The following TBC1D5 variants were observed in gnomAD, a reference collection of about 807,000 sequenced individuals.
TBC1D5 encodes TBC1 domain family, member 5.
A neutral mutation model predicts 100.3 loss-of-function variants in TBC1D5; 75 were observed. That is an observed-to-expected ratio of 0.75 (90% CI 0.62 to 0.91). The LOEUF (loss-of-function observed/expected upper bound fraction) is 0.91. Ranked by LOEUF, TBC1D5 falls within the 40% of genes least tolerant of loss-of-function variation. TBC1D5 has a pLI of 0.00. For synonymous variants in TBC1D5, 323 were observed against 325.6 expected, an observed-to-expected ratio of 0.99 and a Z score of 0.09; for missense variants, 910 against 942.4, an observed-to-expected ratio of 0.97 and a Z score of 0.45.
At chr3:17,395,696 A>G (rs1015012265) in intron 8 of TBC1D5, among the ~76,000 whole-genome samples, 1 of 152,154 alleles carries the variant, frequency 6.6e-6, no homozygotes, top group African/African-American at 2.4e-5. Flanking sequence ...GGGTACCCCT[A>G]TAACTGTGCT....
At chr3:17,696,193 G>C (rs1309378889) in intron 1 of TBC1D5, among the ~76,000 whole-genome samples, 1 of 151,914 alleles carries the variant, frequency 6.6e-6, no homozygotes, top group African/African-American at 2.4e-5. Context: ...AAAAGAAATA[G>C]AGAAGGAAGA....
chr3:17,549,254 T>C (rs138021470), intron 2 of TBC1D5, among the ~76,000 whole-genome samples: 2 of 152,258 alleles, frequency 1.3e-5, no homozygotes, highest in African/African-American at 2.4e-5. Flanking sequence ...TGAGCCAAGA[T>C]TGCGCCATTG....
intron 4 of TBC1D5, among the ~76,000 whole-genome samples, chr3:17,408,627 C>G (rs553057376): frequency 6.6e-6 from 1 of 152,094 alleles, no homozygotes; most frequent in Non-Finnish European, 1.5e-5. Flanking sequence ...AAGTCCTATA[C>G]TTTTAAAAAT....
At chr3:17,282,629 T>C (rs564024302) in intron 15 of TBC1D5, among the ~76,000 whole-genome samples, 20 of 152,346 alleles carry the variant, frequency 1.3e-4, no homozygotes, top group Middle Eastern at 3.4e-3. Context: ...CAAAGTTTCA[T>C]TGCTCTCTCA....
intron 13 of TBC1D5, among the ~76,000 whole-genome samples, chr3:17,313,710 A>G (rs2084319264): frequency 6.6e-6 from 1 of 152,206 alleles, no homozygotes; most frequent in East Asian, 1.9e-4. Context: ...GAGGTGTAAC[A>G]CTAAGCTGAG....
intron 16 of TBC1D5, among the ~76,000 whole-genome samples, chr3:17,256,429 AATATATATATAAACTCATTGTGTT>A (rs1455792168): frequency 4.1e-5 from 6 of 147,088 alleles, no homozygotes; most frequent in Admixed American, 2.0e-4. Flanking sequence ...TTATATATAT[AATATATATATAAACTCATTGTGTT>A]ATATATATAT....
intron 2 of TBC1D5, among the ~76,000 whole-genome samples, chr3:17,592,629 G>T (rs2060303657): frequency 6.6e-6 from 1 of 152,210 alleles, no homozygotes; most frequent in Non-Finnish European, 1.5e-5. Context: ...AGTTTTGAAT[G>T]GGGTCCAGAA....
At chr3:17,251,429 C>G (rs1379315076) in intron 16 of TBC1D5, among the ~76,000 whole-genome samples, 5 of 131,198 alleles carry the variant, frequency 3.8e-5, no homozygotes, top group African/African-American at 1.5e-4. Context: ...ACGGGAACCC[C>G]CCCCCCCCCA....
At chr3:17,472,311 G>C (rs1223673402) in intron 3 of TBC1D5, among the ~76,000 whole-genome samples, 2 of 151,766 alleles carry the variant, frequency 1.3e-5, no homozygotes, top group African/African-American at 4.8e-5. Flanking sequence ...GCTAATTTTT[G>C]TATTTTTTGT....
chr3:17,642,261 A>C (rs2038465237), intron 1 of TBC1D5, among the ~76,000 whole-genome samples: 1 of 152,118 alleles, frequency 6.6e-6, no homozygotes, highest in Admixed American at 6.6e-5. Context: ...TCCAGGAGGC[A>C]CCATTCACAG....
chr3:17,563,999 G>C (rs1325777855), intron 2 of TBC1D5, among the ~76,000 whole-genome samples: 2 of 152,160 alleles, frequency 1.3e-5, no homozygotes, highest in East Asian at 1.9e-4. Context: ...AGCCAGGATG[G>C]TCTCGATCTC....
At chr3:17,501,593 C>T (rs2095788677) in intron 3 of TBC1D5, among the ~76,000 whole-genome samples, 1 of 149,032 alleles carries the variant, frequency 6.7e-6, no homozygotes, top group South Asian at 2.1e-4. Context: ...TCCCTTGACT[C>T]CATCCCTTCT....
chr3:17,544,559 G>A (rs1013054173), intron 2 of TBC1D5, among the ~76,000 whole-genome samples: 2 of 151,068 alleles, frequency 1.3e-5, no homozygotes, highest in Non-Finnish European at 1.5e-5. Flanking sequence ...ACTGAGACAG[G>A]AGAATCTCTT....
rs184330113 is a variant in TBC1D5, at chr3:17,415,039, G to C, written c.168-8513C>G. Among the ~76,000 whole-genome samples, 154 of 152,248 alleles carry C rather than the reference G, an allele frequency of 1.0e-3. 2 individuals are homozygous for C. The South Asian group carries it at 0.018, about 18-fold the overall frequency. ...TACGGTCATGTTTTGATTCAGGTTT[G>C]AACTGAACTTTAAATTGAGAAACCT... On this transcript the variant is annotated intron_variant, in intron 4 of 21. Transcript: ENST00000253692.
At chr3:17,434,952 G>A (rs571199792) in intron 3 of TBC1D5, among the ~76,000 whole-genome samples, 6 of 152,262 alleles carry the variant, frequency 3.9e-5, no homozygotes, top group East Asian at 1.9e-4. Flanking sequence ...AAGTTTCACC[G>A]ATCACTAGGG....
intron 18 of TBC1D5, among the ~76,000 whole-genome samples, chr3:17,197,942 G>C (rs2070933617): frequency 6.6e-6 from 1 of 152,062 alleles, no homozygotes; most frequent in Admixed American, 6.6e-5. Context: ...GAGGCAGAAG[G>C]GGTTGGATTG....
intron 1 of TBC1D5, among the ~76,000 whole-genome samples, chr3:17,690,067 AAC>A (rs1296027981): frequency 2.0e-5 from 3 of 152,224 alleles, no homozygotes; most frequent in Non-Finnish European, 4.4e-5. Flanking sequence ...CCAACAAAAA[AAC>A]AGTGGGAAAC....
chr3:17,609,513 A>G (rs750356813), intron 2 of TBC1D5, among the ~76,000 whole-genome samples: 10 of 151,604 alleles, frequency 6.6e-5, no homozygotes, highest in Non-Finnish European at 1.5e-4. Context: ...TCAGCTTCTG[A>G]CTCTTTTTCT....
At chr3:17,594,081 C>T (rs2060409577) in intron 2 of TBC1D5, among the ~76,000 whole-genome samples, 1 of 152,148 alleles carries the variant, frequency 6.6e-6, no homozygotes, top group South Asian at 2.1e-4. Context: ...AACGATGGCA[C>T]CAGGAGACAC....
Sources: gnomAD v4.1 joint callset for allele counts (sites outside exome capture counted in the v4.1 genomes callset) on GRCh38, gnomAD v4.1.1 for gene constraint, MANE v1.5 for transcripts, NCBI Gene and HGNC (gene_info 2026-07-23, HGNC 2026-07-21) for gene names.